The following C2CD2 variants were observed in gnomAD, a reference collection of about 807,000 sequenced individuals.
C2CD2 encodes the protein C2 calcium dependent domain containing 2, also known as C2 domain-containing protein 2.
Under a neutral mutation model 74.3 loss-of-function variants are expected in C2CD2, and 43 were observed. The observed-to-expected ratio is 0.58, with a 90% CI of 0.45 to 0.75. The LOEUF is 0.75. Among genes scored for constraint, C2CD2 ranks in the 30% least tolerant of loss-of-function variants. The pLI is 0.00. For synonymous variants in C2CD2, 422 were observed against 390.7 expected, an observed-to-expected ratio of 1.08 and a Z score of -0.94; for missense variants, 801 against 916.3, an observed-to-expected ratio of 0.87 and a Z score of 1.63.
At chr21:41,942,046 G>C (rs1028221371) in intron 2 of C2CD2, 101 bp downstream of exon 2, 5 of 1,447,798 alleles carry the variant, frequency 3.5e-6, no homozygotes, top group African/African-American at 1.4e-5. Context: ...TTTTTTCCTA[G>C]TGTAAGGGTT....
In C2CD2 at chr21:41,923,215, G is replaced by C. The variant is rs185671954; in HGVS notation, c.379-1130C>G. ...TTTCACCATTAGCCAGGAGGGTCTC[G>C]ATCTCCTCACCTCGTGATCCGCCCA... On this transcript the variant is annotated intron_variant, in intron 2 of 13. Coordinates refer to ENST00000380486, the MANE Select transcript of C2CD2 (RefSeq NM_015500.2). The surrounding 1 kb of genome is among the most constrained non-coding windows in gnomAD (Gnocchi z 5.8). Among the ~76,000 whole-genome samples, 487 of 152,070 alleles carry C rather than the reference G, an allele frequency of 3.2e-3. 3 individuals are homozygous for C. Among genetic ancestry groups the C allele is most frequent in the Non-Finnish European group, 5.6e-3 (381 of 67,988 alleles).
At position 41,926,459 on chromosome 21, in the gene C2CD2, G is replaced by T; in HGVS notation, c.379-4374C>A. On this transcript the variant is annotated intron_variant, in intron 2 of 13. Transcript: ENST00000380486. The surrounding 1 kb of genome is among the most constrained non-coding windows in gnomAD (Gnocchi z 8.0). ...CCTGGGCAGCAGATGGAAGCACCAC[G>T]GGGAGGGGAAAACAAGACTGAAGGC... 1.1e-6 allele frequency: 1 copy of T among 948,694 alleles called. No homozygotes were observed. The highest frequency in any genetic ancestry group is 1.3e-6 in the Non-Finnish European group (1 of 796,522). The allele number at this position is 948,694 out of a possible 1,614,324, so 58.8% of individuals were successfully genotyped here.
rs568606458 is a variant in C2CD2 at position 41,900,492 on chromosome 21, G to A, written c.1560+1130C>T. On this transcript the variant is annotated intron_variant, in intron 12 of 13. Transcript: ENST00000380486. ...GAAGAAAACCCAACTACTGGGCCCC[G>A]GACTTCCAGAGAGGTCATGGATCCC... Among the ~76,000 whole-genome samples, 8 of 152,226 alleles carry A rather than the reference G, an allele frequency of 5.3e-5. No individual in the cohort carries two copies. The East Asian group carries it at 7.7e-4, about 15-fold the overall frequency.
chr21:41,934,234 C>A (rs1476427880), intron 2 of C2CD2, among the ~76,000 whole-genome samples: 1 of 152,038 alleles, frequency 6.6e-6, no homozygotes, highest in Non-Finnish European at 1.5e-5. Flanking sequence ...TCAAGACCAA[C>A]CTGGGCTACA....
At chr21:41,916,469 C>T (rs1239461217) in intron 5 of C2CD2, among the ~76,000 whole-genome samples, 2 of 152,118 alleles carry the variant, frequency 1.3e-5, no homozygotes, top group Non-Finnish European at 2.9e-5. Context: ...TTCCTGCCTT[C>T]AGACTTGGAC....
chr21:41,906,886 C>T (rs1454421475), intron 10 of C2CD2, 106 bp downstream of exon 10: 1 of 816,816 alleles, frequency 1.2e-6, no homozygotes, highest in Non-Finnish European at 2.0e-6. Flanking sequence ...TGAGAATTTC[C>T]TAACACTCGG....
At chr21:41,922,999 CTTT>C (rs34673101) in intron 2 of C2CD2, among the ~76,000 whole-genome samples, 10 of 143,236 alleles carry the variant, frequency 7.0e-5, no homozygotes, top group African/African-American at 7.8e-5. Context: ...AGTCTTTTTC[CTTT>C]TTTTTTTTTT....
At chr21:41,921,385 T>A (rs540966577) in intron 3 of C2CD2, among the ~76,000 whole-genome samples, 2 of 152,356 alleles carry the variant, frequency 1.3e-5, no homozygotes, top group South Asian at 2.1e-4. Flanking sequence ...GCAACCAAAG[T>A]CTCACTGGGC....
chr21:41,885,661 C>G lies in C2CD2; in HGVS notation c.*3463G>C, dbSNP rs370658783. On this transcript the variant is annotated 3_prime_UTR_variant, in exon 14 of 14. Coordinates refer to ENST00000380486, the MANE Select transcript of C2CD2 (RefSeq NM_015500.2). ...ACGTGTCCTGCCTTCCACCATCCACCAATTTGTACTCTGAAGTTTCCAGAT... is the reference window on the plus strand; with the variant it reads ...ACGTGTCCTGCCTTCCACCATCCACGAATTTGTACTCTGAAGTTTCCAGAT... 6.6e-6 allele frequency: 1 copy of G among 151,998 alleles called. No homozygotes were observed. The highest frequency in any genetic ancestry group is 2.4e-5 in the African/African-American group (1 of 41,406). The allele number at this position is 151,998 out of a possible 1,614,324, so 9.4% of individuals were successfully genotyped here. A position where few individuals can be genotyped will look rare whatever the true frequency, so the allele number is the denominator to read the frequency against.
chr21:41,932,462 G>T (rs918283653), intron 2 of C2CD2, among the ~76,000 whole-genome samples: 1 of 150,670 alleles, frequency 6.6e-6, no homozygotes, highest in East Asian at 1.9e-4. Context: ...TCAGAAGAAC[G>T]GGGGCAACCC....
intron 2 of C2CD2, among the ~76,000 whole-genome samples, chr21:41,928,567 A>AAAAAAAAC: frequency 7.2e-6 from 1 of 138,388 alleles, no homozygotes; most frequent in Non-Finnish European, 1.6e-5. Flanking sequence ...AAAAAAAAAA[A>AAAAAAAAC]AGACAACTGA....
intron 2 of C2CD2, among the ~76,000 whole-genome samples, chr21:41,931,359 C>G (rs1435702814): frequency 6.7e-6 from 1 of 150,184 alleles, no homozygotes; most frequent in African/African-American, 2.4e-5. Context: ...GTTCCTGATG[C>G]CTGGCACAAA....
intron 9 of C2CD2, 100 bp from the exon 10 acceptor site, chr21:41,907,266 ATTCCT>A (rs1281296321): frequency 1.0e-6 from 1 of 955,560 alleles, no homozygotes; most frequent in Non-Finnish European, 1.6e-6. Context: ...ATAATTCATA[ATTCCT>A]TCCCTTAAGG....
chr21:41,950,231 A>T (rs77276824), intron 1 of C2CD2, among the ~76,000 whole-genome samples: 6,038 of 152,058 alleles, frequency 0.04, 163 homozygotes, highest in African/African-American at 0.073. Flanking sequence ...ACCATGGGAC[A>T]CTCTCAAAGT....
At chr21:41,943,221 C>G (rs1215752183) in intron 1 of C2CD2, among the ~76,000 whole-genome samples, 1 of 152,138 alleles carries the variant, frequency 6.6e-6, no homozygotes, top group Non-Finnish European at 1.5e-5. Context: ...ATCACTTGCA[C>G]CCAGGAGGTG....
At chr21:41,890,159 T>C (rs528618583) in intron 13 of C2CD2, among the ~76,000 whole-genome samples, 1 of 152,194 alleles carries the variant, frequency 6.6e-6, no homozygotes, top group Admixed American at 6.5e-5. Context: ...TAAATAATAT[T>C]TGCTCTTTTG....
In C2CD2 at chr21:41,947,367, G is replaced by C. The variant is rs192731635; in HGVS notation, c.280-5122C>G. Among the ~76,000 whole-genome samples the C allele has an allele frequency of 3.9e-5, 6 of 152,100 alleles. No homozygotes were observed. In the East Asian group the frequency reaches 1.2e-3, roughly 29 times the overall value. On this transcript the variant is annotated intron_variant, in intron 1 of 13. Transcript: ENST00000380486. ...AGATGGGGTTTCTCCATGTTGGTCA[G>C]GCTGGTCTTGAACTCTTGACCTCAG...
rs2064955436 is a variant in C2CD2, at chr21:41,905,829, C to A, written c.1327G>T (p.Val443Leu). The A allele has an allele frequency of 6.4e-7, 1 of 1,572,440 alleles. No individual in the cohort carries two copies. The highest frequency in any genetic ancestry group is 8.8e-7 in the Non-Finnish European group (1 of 1,142,204). The part of the protein sequence containing the change: ...RASPLSSDSP[V>L]KTPIKVKVIE... ...ACCTTCACCTTGATGGGAGTCTTCACCGGAGAATCTGCCAGAGGAAGATCC... is the reference window on the plus strand; with the variant it reads ...ACCTTCACCTTGATGGGAGTCTTCAACGGAGAATCTGCCAGAGGAAGATCC... The change falls in exon 11 of 14, where the codon GTG (valine) becomes TTG (leucine). Residue 443 changes from valine to leucine, a missense_variant. Val to Leu is a conservative substitution (Grantham distance 32). Transcript: ENST00000380486.
intron 3 of C2CD2, among the ~76,000 whole-genome samples, chr21:41,920,792 T>A (rs2065147004): frequency 6.6e-6 from 1 of 152,258 alleles, no homozygotes; most frequent in South Asian, 2.1e-4. Context: ...ATGGCATGAA[T>A]GCTTTGATAT....
Sources: allele counts gnomAD v4.1 joint callset (sites outside exome capture counted in the v4.1 genomes callset), GRCh38; gene constraint gnomAD v4.1.1; non-coding constraint Gnocchi (gnomAD v3.1); transcripts MANE v1.5; gene names NCBI Gene and HGNC (gene_info 2026-07-23, HGNC 2026-07-21).